Variants in TBL1XR1 observed in about 807,000 individuals in gnomAD.
TBL1XR1 encodes TBL1X/Y related 1.
TBL1XR1 carries 5 observed loss-of-function variants against 66.9 expected under a neutral mutation model. The ratio of observed to expected loss-of-function variants is 0.07; its 90% CI spans 0.04 to 0.16. TBL1XR1 has a LOEUF of 0.16. TBL1XR1 is among the 10% of genes least tolerant of loss of function. TBL1XR1 has a pLI of 1.00. For missense variants in TBL1XR1, 238 were observed against 623.2 expected (o/e 0.38, Z 6.58); for synonymous variants, 210 against 206.0 (o/e 1.02, Z -0.17).
chr3:177,070,673 A>T (rs1719857438), intron 2 of TBL1XR1, among the ~76,000 whole-genome samples: 2 of 152,010 alleles, frequency 1.3e-5, no homozygotes, highest in Admixed American at 1.3e-4. Context: ...ACGTGGCGAA[A>T]CCCCATCTCT....
chr3:177,049,875 T>C (rs1282786278), intron 7 of TBL1XR1, 122 bp downstream of exon 7: 3 of 979,560 alleles, frequency 3.1e-6, no homozygotes, highest in African/African-American at 3.5e-5. Context: ...ACTCCCGGTT[T>C]GTTGTTACTA....
upstream of TBL1XR1, among the ~76,000 whole-genome samples, chr3:177,197,981 C>T (rs2109033081): frequency 6.6e-6 from 1 of 150,876 alleles, no homozygotes; most frequent in African/African-American, 2.4e-5. Context: ...CCAAGGACGC[C>T]GCGGGCTCCC....
intron 1 of TBL1XR1, among the ~76,000 whole-genome samples, chr3:177,124,484 CTA>C (rs1727367705): frequency 6.6e-6 from 1 of 152,092 alleles, no homozygotes; most frequent in Non-Finnish European, 1.5e-5. Flanking sequence ...TCATTCTTCT[CTA>C]TGATTCAAAT....
intron 3 of TBL1XR1, among the ~76,000 whole-genome samples, chr3:177,058,203 C>G (rs1047071099): frequency 6.6e-6 from 1 of 152,126 alleles, no homozygotes; most frequent in Non-Finnish European, 1.5e-5. Context: ...CTGATTGATC[C>G]AAGGTCCTAT....
intron 1 of TBL1XR1, among the ~76,000 whole-genome samples, chr3:177,128,251 T>C (rs1289685395): frequency 6.6e-6 from 1 of 152,176 alleles, no homozygotes. Flanking sequence ...ATCATTCTTT[T>C]AGTACACTGT....
chr3:177,164,851 A>G (rs1202998162), intron 1 of TBL1XR1, among the ~76,000 whole-genome samples: 1 of 152,188 alleles, frequency 6.6e-6, no homozygotes, highest in Non-Finnish European at 1.5e-5. Flanking sequence ...ATGAACTACA[A>G]GACTATGGTA....
intron 14 of TBL1XR1, chr3:177,026,741 C>A (rs1713181953): frequency 3.1e-6 from 1 of 325,830 alleles, no homozygotes; most frequent in Non-Finnish European, 5.5e-6. Flanking sequence ...TCTGGTCTCT[C>A]TGACATAGCC....
chr3:177,065,251 CA>C (rs1208621634), intron 2 of TBL1XR1, among the ~76,000 whole-genome samples: 1 of 151,974 alleles, frequency 6.6e-6, no homozygotes, highest in African/African-American at 2.4e-5. Flanking sequence ...AAAAATAAAA[CA>C]AAATTTTTTA....
At chr3:177,193,309 T>C (rs556014181) in intron 1 of TBL1XR1, among the ~76,000 whole-genome samples, 3 of 152,150 alleles carry the variant, frequency 2.0e-5, no homozygotes, top group South Asian at 2.1e-4. Context: ...CTTACACAAA[T>C]TTTTTGTTTG....
intron 2 of TBL1XR1, among the ~76,000 whole-genome samples, chr3:177,091,606 G>T (rs542670368): frequency 3.9e-5 from 6 of 152,132 alleles, no homozygotes; most frequent in African/African-American, 1.2e-4. Flanking sequence ...ACTTGAAAAG[G>T]CTCTTTTGGC....
rs753561692 is a variant in TBL1XR1 at position 177,026,485 on chromosome 3, G to GAA, written c.1417-13_1417-12dup. The GAA allele has an allele frequency of 8.3e-6, 13 of 1,557,252 alleles. No homozygotes were observed. Among genetic ancestry groups the GAA allele is most frequent in the African/African-American group, 2.8e-5 (2 of 71,618 alleles). Reference sequence around the variant, plus strand: ...AACTAGAGCACCTGTCTAAAAGAATGAAAAACAAAATCTTAAAAATCGTAA... The same window carrying GAA: ...AACTAGAGCACCTGTCTAAAAGAATGAAAAAAACAAAATCTTAAAAATCGTAA... On this transcript the variant is annotated splice_polypyrimidine_tract_variant and intron_variant, in intron 14 of 15. Coordinates refer to ENST00000457928, the MANE Select transcript of TBL1XR1 (RefSeq NM_024665.7).
intron 1 of TBL1XR1, among the ~76,000 whole-genome samples, chr3:177,113,165 T>C (rs530669130): frequency 2.9e-4 from 44 of 152,254 alleles, no homozygotes; most frequent in African/African-American, 9.4e-4. Context: ...AATATTCACA[T>C]GTAGAAAAAT....
intron 1 of TBL1XR1, among the ~76,000 whole-genome samples, chr3:177,182,530 C>T (rs541697892): frequency 1.3e-5 from 2 of 152,312 alleles, no homozygotes; most frequent in South Asian, 2.1e-4. Context: ...CAAACGTATA[C>T]CTCAGTCAGA....
chr3:177,083,391 T>C (rs939130055), intron 2 of TBL1XR1, among the ~76,000 whole-genome samples: 3 of 152,220 alleles, frequency 2.0e-5, no homozygotes, highest in African/African-American at 7.2e-5. Flanking sequence ...TCTTCTTGCT[T>C]TTATTTATTC....
At chr3:177,108,160 T>A (rs1023718890) in intron 1 of TBL1XR1, among the ~76,000 whole-genome samples, 2 of 152,116 alleles carry the variant, frequency 1.3e-5, no homozygotes, top group Non-Finnish European at 2.9e-5. Flanking sequence ...GAGGTAAACA[T>A]TTTTTTAAAT....
intron 1 of TBL1XR1, among the ~76,000 whole-genome samples, chr3:177,155,554 T>C (rs997659043): frequency 6.6e-6 from 1 of 152,216 alleles, no homozygotes; most frequent in Non-Finnish European, 1.5e-5. Context: ...TCATTGTCTA[T>C]AAATAATGTG....
chr3:177,158,667 T>A (rs1731811456), intron 1 of TBL1XR1, among the ~76,000 whole-genome samples: 1 of 152,148 alleles, frequency 6.6e-6, no homozygotes, highest in Admixed American at 6.5e-5. Context: ...TCAGCAGCAG[T>A]AACCAGGAAG....
chr3:177,057,023 T>C (rs983119281), intron 3 of TBL1XR1, among the ~76,000 whole-genome samples: 5 of 152,222 alleles, frequency 3.3e-5, no homozygotes, highest in Non-Finnish European at 7.3e-5. Context: ...TTGGCCTTCA[T>C]AACAAAGGTC....
chr3:177,146,541 G>C (rs913878367), intron 1 of TBL1XR1, among the ~76,000 whole-genome samples: 1 of 126,354 alleles, frequency 7.9e-6, no homozygotes, highest in Non-Finnish European at 1.6e-5. Context: ...GGTAAGCCAA[G>C]ATCACGCCAC....
Sources: allele counts gnomAD v4.1 joint callset (sites outside exome capture counted in the v4.1 genomes callset), GRCh38; gene constraint gnomAD v4.1.1; transcripts MANE v1.5; gene names NCBI Gene and HGNC (gene_info 2026-07-23, HGNC 2026-07-21).